AGBL4: variants seen among roughly 807,000 people sequenced by gnomAD.
AGBL4 encodes cytosolic carboxypeptidase 6.
In AGBL4, 58 loss-of-function variants were observed where a neutral mutation model predicts 66.4. The observed-to-expected ratio is 0.87, with a 90% confidence interval of 0.71 to 1.09. The LOEUF is 1.09. Ranked by LOEUF, AGBL4 falls within the 50% of genes least tolerant of loss-of-function variation. The pLI is 0.00. For synonymous variants in AGBL4, 234 were observed against 222.9 expected, an observed-to-expected ratio of 1.05 and a Z score of -0.44; for missense variants, 579 against 631.0, an observed-to-expected ratio of 0.92 and a Z score of 0.88.
At chr1:49,074,690 CT>C (rs1308818993) in intron 4 of AGBL4, among the ~76,000 whole-genome samples, 1 of 152,048 alleles carries the variant, frequency 6.6e-6, no homozygotes, top group Admixed American at 6.5e-5. Context: ...CATATTACTC[CT>C]AAAAAAATAA....
chr1:49,199,774 C>T (rs1647541287), intron 4 of AGBL4, among the ~76,000 whole-genome samples: 1 of 152,162 alleles, frequency 6.6e-6, no homozygotes, highest in South Asian at 2.1e-4. Flanking sequence ...TGATGTTCAA[C>T]TCTCTCTGAT....
chr1:49,530,273 C>CAAAAAAAAAAAAAAAAAAA (rs1171374859), intron 3 of AGBL4, among the ~76,000 whole-genome samples: 2 of 111,952 alleles, frequency 1.8e-5, no homozygotes, highest in Non-Finnish European at 1.7e-5. Flanking sequence ...AAAAAAAAAA[C>CAAAAAAAAAAAAAAAAAAA]AAAAAAAAAC....
intron 3 of AGBL4, among the ~76,000 whole-genome samples, chr1:49,312,764 C>A (rs1644964012): frequency 6.6e-6 from 1 of 151,996 alleles, no homozygotes; most frequent in East Asian, 1.9e-4. Context: ...CCAATTAAAA[C>A]AAAAATGAAA....
At chr1:49,546,241 C>T (rs1443525436) in intron 3 of AGBL4, among the ~76,000 whole-genome samples, 1 of 151,688 alleles carries the variant, frequency 6.6e-6, no homozygotes, top group Non-Finnish European at 1.5e-5. Context: ...AGTAGTATTC[C>T]ATCATATATA....
At chr1:49,180,766 GA>G (rs1477489168) in intron 4 of AGBL4, among the ~76,000 whole-genome samples, 1 of 152,150 alleles carries the variant, frequency 6.6e-6, no homozygotes, top group African/African-American at 2.4e-5. Context: ...TATACTCCAT[GA>G]ACCAAGAGCA....
chr1:48,649,503 A>G (rs1261064445), intron 8 of AGBL4, among the ~76,000 whole-genome samples: 2 of 152,266 alleles, frequency 1.3e-5, no homozygotes. Context: ...AAACTTTAGT[A>G]TAGGCTCTAT....
intron 6 of AGBL4, among the ~76,000 whole-genome samples, chr1:48,809,687 AT>A (rs1355071517): frequency 3.3e-5 from 5 of 152,076 alleles, no homozygotes; most frequent in Admixed American, 2.6e-4. Context: ...AGGCTGTTCA[AT>A]TTCTCCAGGT....
In AGBL4 at chr1:48,992,886, C is replaced by G. The variant is rs1415052580; in HGVS notation, c.594+52698G>C. Among the ~76,000 whole-genome samples, 4 of 152,144 alleles carry G rather than the reference C, an allele frequency of 2.6e-5. No homozygotes were observed. In the East Asian group the frequency reaches 7.7e-4, roughly 29 times the overall value. On this transcript the variant is annotated intron_variant, in intron 5 of 13. Coordinates refer to ENST00000371839, the MANE Select transcript of AGBL4 (RefSeq NM_032785.4). ...AACTCACCCTTCAGGGAAGTGAGCT[C>G]CTCTCTGGCCCAGGGCAGGTCTAGA...
At chr1:48,912,652 A>T (rs530168333) in intron 5 of AGBL4, among the ~76,000 whole-genome samples, 4 of 152,290 alleles carry the variant, frequency 2.6e-5, no homozygotes, top group African/African-American at 9.6e-5. Flanking sequence ...ATTTCTGTAC[A>T]TAAGGTGGTT....
chr1:49,773,965 C>A (rs1644132104), intron 2 of AGBL4, among the ~76,000 whole-genome samples: 1 of 152,092 alleles, frequency 6.6e-6, no homozygotes, highest in Non-Finnish European at 1.5e-5. Flanking sequence ...CTGTAGGCAC[C>A]TATGTGAATT....
chr1:49,450,388 T>A (rs1646253169), intron 3 of AGBL4, among the ~76,000 whole-genome samples: 1 of 152,052 alleles, frequency 6.6e-6, no homozygotes, highest in African/African-American at 2.4e-5. Flanking sequence ...TACCAATATT[T>A]AAAAGTTGAG....
chr1:50,019,331 C>CAA (rs1662269568), intron 1 of AGBL4, among the ~76,000 whole-genome samples: 1 of 150,582 alleles, frequency 6.6e-6, no homozygotes, highest in African/African-American at 2.4e-5. Context: ...CACACACACA[C>CAA]ACACATAAAC....
Position 48,992,252 on chromosome 1 carries a change from C to T in AGBL4, c.594+53332G>A, listed in dbSNP as rs187036895. Among the ~76,000 whole-genome samples the T allele has an allele frequency of 2.6e-3, 399 of 151,774 alleles. 1 individual carries two copies. Among genetic ancestry groups the T allele is most frequent in the African/African-American group, 9.3e-3 (385 of 41,350 alleles). On this transcript the variant is annotated intron_variant, in intron 5 of 13. Transcript: ENST00000371839. ...AGTAATTCTGTGGCTCTTGCAGACT[C>T]GTAGATGTACTGTCTTGGTGGTCTT...
At chr1:49,198,054 T>A (rs1171993660) in intron 4 of AGBL4, among the ~76,000 whole-genome samples, 1 of 152,038 alleles carries the variant, frequency 6.6e-6, no homozygotes, top group Non-Finnish European at 1.5e-5. Context: ...CTTCTCACAG[T>A]CTTCTGATTG....
At position 48,604,499 on chromosome 1, in the gene AGBL4, T is replaced by A. The variant is rs550324048; in HGVS notation, c.952-13514A>T. On this transcript the variant is annotated intron_variant, in intron 9 of 13. Transcript: ENST00000371839. ...TGTAATCATGTGTTTTCCGTATAAA[T>A]AGAACTCTTTATTAATATAAATTAA... Among the ~76,000 whole-genome samples, 3 of 152,186 alleles carry A rather than the reference T, an allele frequency of 2.0e-5. No individual in the cohort carries two copies. The East Asian group carries it at 5.8e-4, about 29-fold the overall frequency.
intron 4 of AGBL4, among the ~76,000 whole-genome samples, chr1:49,242,788 C>T (rs934637060): frequency 2.0e-5 from 3 of 151,862 alleles, no homozygotes; most frequent in Non-Finnish European, 2.9e-5. Context: ...CTTCCAGCTT[C>T]TCCATTTGCT....
intron 3 of AGBL4, among the ~76,000 whole-genome samples, chr1:49,656,514 G>C (rs912644800): frequency 1.3e-5 from 2 of 152,152 alleles, no homozygotes; most frequent in African/African-American, 4.8e-5. Context: ...TATGAGGCCA[G>C]CATCATCCTG....
intron 3 of AGBL4, among the ~76,000 whole-genome samples, chr1:49,510,010 T>C (rs1437020867): frequency 1.3e-5 from 2 of 151,986 alleles, no homozygotes; most frequent in Non-Finnish European, 2.9e-5. Context: ...TAATTGTACA[T>C]TGTCAGTGAA....
intron 5 of AGBL4, among the ~76,000 whole-genome samples, chr1:49,019,250 C>A (rs190053882): frequency 6.6e-6 from 1 of 152,250 alleles, no homozygotes; most frequent in East Asian, 1.9e-4. Flanking sequence ...AAATTCTGTC[C>A]TGAAGAGACT....
Sources: allele counts gnomAD v4.1 joint callset (sites outside exome capture counted in the v4.1 genomes callset), GRCh38; gene constraint gnomAD v4.1.1; transcripts MANE v1.5; gene names NCBI Gene and HGNC (gene_info 2026-07-23, HGNC 2026-07-21).